ANO6: variants seen among roughly 807,000 people sequenced by gnomAD.
ANO6 encodes the protein anoctamin 6, also known as anoctamin-6.
Under a neutral mutation model 117.5 loss-of-function variants are expected in ANO6, and 106 were observed. The ratio of observed to expected loss-of-function variants is 0.90; its 90% CI spans 0.77 to 1.06. The LOEUF is 1.06. Among genes scored for constraint, ANO6 ranks in the 50% least tolerant of loss-of-function variants. The pLI is 0.00. For missense variants in ANO6, 955 were observed against 1,121.1 expected, an observed-to-expected ratio of 0.85 and a Z score of 2.12; for synonymous variants, 367 against 385.1, an observed-to-expected ratio of 0.95 and a Z score of 0.55.
At chr12:45,284,422 G>C (rs1938841485) in intron 1 of ANO6, among the ~76,000 whole-genome samples, 1 of 152,312 alleles carries the variant, frequency 6.6e-6, no homozygotes, top group East Asian at 1.9e-4. Flanking sequence ...TCATCTTCTA[G>C]TTTCTGTGGC....
At chr12:45,346,811 C>T (rs904954884) in intron 3 of ANO6, among the ~76,000 whole-genome samples, 3 of 152,174 alleles carry the variant, frequency 2.0e-5, no homozygotes, top group East Asian at 3.9e-4. Context: ...AAGTACCCTC[C>T]ACGGCATTCT....
rs765145250 is a variant in ANO6, at chr12:45,346,925, G to A, written c.280-97G>A. 111 of 1,095,758 alleles carry A rather than the reference G, an allele frequency of 1.0e-4. 1 individual carries two copies. The highest frequency in any genetic ancestry group is 4.1e-4 in the Middle Eastern group (2 of 4,854). The allele number at this position is 1,095,758 out of a possible 1,614,324, so 67.9% of individuals were successfully genotyped here. On this transcript the variant is annotated intron_variant, in intron 3 of 19. Coordinates refer to ENST00000320560, the MANE Select transcript of ANO6 (RefSeq NM_001025356.3). ...TGATGCATTTCTTTTTCAGGTCCAC[G>A]CTAGTTTGATTTTGTTATTAATATT...
At chr12:45,325,016 T>A (rs1940411852) in intron 2 of ANO6, among the ~76,000 whole-genome samples, 1 of 152,130 alleles carries the variant, frequency 6.6e-6, no homozygotes, top group South Asian at 2.1e-4. Flanking sequence ...GAACCAAACA[T>A]AGGTAAGCTA....
intron 19 of ANO6, among the ~76,000 whole-genome samples, chr12:45,439,091 T>C (rs1162650877): frequency 6.6e-6 from 1 of 152,192 alleles, no homozygotes; most frequent in East Asian, 1.9e-4. Flanking sequence ...CTTGGTTTGG[T>C]ACAATGGCTA....
chr12:45,278,160 T>C (rs1408871004), intron 1 of ANO6, among the ~76,000 whole-genome samples: 1 of 152,162 alleles, frequency 6.6e-6, no homozygotes, highest in Non-Finnish European at 1.5e-5. Context: ...TCTCTCTGTG[T>C]TGCCCAGGCT....
intron 8 of ANO6, among the ~76,000 whole-genome samples, chr12:45,362,941 C>A (rs562277212): frequency 7.9e-5 from 12 of 152,088 alleles, no homozygotes; most frequent in Admixed American, 3.3e-4. Flanking sequence ...TAGAGACATA[C>A]AAAAATATAC....
intron 2 of ANO6, among the ~76,000 whole-genome samples, chr12:45,305,469 AT>A (rs1395756640): frequency 6.6e-6 from 1 of 152,184 alleles, no homozygotes; most frequent in African/African-American, 2.4e-5. Context: ...TAACTAATCC[AT>A]TGTTACTTTG....
At chr12:45,222,357 C>T (rs933911373) in intron 1 of ANO6, among the ~76,000 whole-genome samples, 18 of 151,942 alleles carry the variant, frequency 1.2e-4, no homozygotes, top group Non-Finnish European at 2.6e-4. Flanking sequence ...AATGGGGTTT[C>T]GCCATGTTGG....
intron 1 of ANO6, among the ~76,000 whole-genome samples, chr12:45,236,086 C>A (rs1032491547): frequency 6.6e-6 from 1 of 152,158 alleles, no homozygotes. Flanking sequence ...GCAAAATAGC[C>A]CCAATCCTGT....
At chr12:45,308,280 G>T (rs1285478418) in intron 2 of ANO6, among the ~76,000 whole-genome samples, 1 of 151,880 alleles carries the variant, frequency 6.6e-6, no homozygotes, top group East Asian at 1.9e-4. Flanking sequence ...TAAGTGGAGG[G>T]ATTGGCCATA....
intron 1 of ANO6, among the ~76,000 whole-genome samples, chr12:45,298,251 T>G (rs1310107646): frequency 1.3e-5 from 2 of 152,234 alleles, no homozygotes; most frequent in Non-Finnish European, 2.9e-5. Flanking sequence ...GTACTTTTGC[T>G]GTATAAGGCT....
At position 45,431,546 on chromosome 12, in the gene ANO6, C is replaced by G. The variant is rs1386402061; in HGVS notation, c.*2235C>G. 6 of 985,244 alleles carry G rather than the reference C, an allele frequency of 6.1e-6. No individual in the cohort carries two copies. The African/African-American group carries it at 1.0e-4, about 17-fold the overall frequency. 61.0% of individuals were successfully genotyped at this position (985,244 alleles called of 1,614,324 possible). A position where few individuals can be genotyped will look rare whatever the true frequency, so the allele number is the denominator to read the frequency against. Reference sequence around the variant, plus strand: ...TGTGGACAGGAGGGGAAAAAAAACCCTCTACATATTGAAAGGCACCAAATG... The same window carrying G: ...TGTGGACAGGAGGGGAAAAAAAACCGTCTACATATTGAAAGGCACCAAATG... On this transcript the variant is annotated 3_prime_UTR_variant, in exon 20 of 20. Coordinates refer to ENST00000320560, the MANE Select transcript of ANO6 (RefSeq NM_001025356.3).
intron 15 of ANO6, among the ~76,000 whole-genome samples, chr12:45,404,763 C>T (rs1431396038): frequency 6.6e-6 from 1 of 152,060 alleles, no homozygotes; most frequent in Non-Finnish European, 1.5e-5. Flanking sequence ...AGTCTTTTAT[C>T]CCACTATATA....
intron 19 of ANO6, chr12:45,439,647 CTTTTTTTTTT>C (rs34144696): frequency 1.8e-6 from 2 of 1,133,284 alleles, no homozygotes; most frequent in African/African-American, 1.9e-5. Flanking sequence ...GATTTAATTG[CTTTTTTTTTT>C]TTTTTTTTTT....
chr12:45,401,687 G>A, intron 12 of ANO6, 108 bp from the exon 13 acceptor site: 2 of 938,308 alleles, frequency 2.1e-6, no homozygotes, highest in East Asian at 2.5e-5. Context: ...ACTTATGTGA[G>A]ATTTACATCA....
At chr12:45,301,987 T>G (rs1359611145) in intron 1 of ANO6, 27 bp from the exon 2 acceptor site, 2 of 1,601,088 alleles carry the variant, frequency 1.2e-6, no homozygotes, top group Non-Finnish European at 1.7e-6. Context: ...TCATGCTTCA[T>G]TTGTTTATAT....
intron 3 of ANO6, among the ~76,000 whole-genome samples, chr12:45,334,099 C>T (rs757258663): frequency 6.6e-6 from 1 of 152,012 alleles, no homozygotes. Flanking sequence ...GTAACTTGGG[C>T]CACTCATATG....
At chr12:45,298,052 C>T (rs530535960) in intron 1 of ANO6, among the ~76,000 whole-genome samples, 4 of 152,306 alleles carry the variant, frequency 2.6e-5, no homozygotes, top group South Asian at 4.1e-4. Flanking sequence ...TGATTTTGAA[C>T]TGCACTTTCA....
chr12:45,261,656 AG>A (rs2137212074), intron 1 of ANO6, among the ~76,000 whole-genome samples: 1 of 152,306 alleles, frequency 6.6e-6, no homozygotes, highest in East Asian at 1.9e-4. Context: ...GTGTTTATTG[AG>A]GCCATTTGGA....
Sources: gnomAD v4.1 joint callset for allele counts (sites outside exome capture counted in the v4.1 genomes callset) on GRCh38, gnomAD v4.1.1 for gene constraint, MANE v1.5 for transcripts, NCBI Gene and HGNC (gene_info 2026-07-23, HGNC 2026-07-21) for gene names.